Variants in KCNQ4 observed in about 807,000 individuals in gnomAD.
KCNQ4 encodes potassium voltage-gated channel subfamily KQT member 4.
In KCNQ4, 31 loss-of-function variants were observed where a neutral mutation model predicts 72.6. The ratio of observed to expected loss-of-function variants is 0.43; its 90% CI spans 0.32 to 0.58. The LOEUF (loss-of-function observed/expected upper bound fraction) is 0.58. Ranked by LOEUF, KCNQ4 falls within the 20% of genes least tolerant of loss-of-function variation. The pLI, the probability that KCNQ4 is intolerant of heterozygous loss-of-function variation, is 0.08. For missense variants in KCNQ4, 869 were observed against 962.6 expected, an observed-to-expected ratio of 0.90 and a Z score of 1.29; for synonymous variants, 405 against 403.7, an observed-to-expected ratio of 1.00 and a Z score of -0.04.
At chr1:40,836,075 C>T (rs1648798683) in intron 12 of KCNQ4, among the ~76,000 whole-genome samples, 1 of 151,962 alleles carries the variant, frequency 6.6e-6, no homozygotes, top group African/African-American at 2.4e-5. Flanking sequence ...AAAAGGATCA[C>T]CCTGGGTGCT....
At chr1:40,810,527 C>T (rs917942168) in intron 1 of KCNQ4, among the ~76,000 whole-genome samples, 2 of 152,154 alleles carry the variant, frequency 1.3e-5, no homozygotes, top group Admixed American at 6.5e-5. Flanking sequence ...GGTCAGGTGA[C>T]AACCTCTTTT....
intron 12 of KCNQ4, 89 bp downstream of exon 12, chr1:40,835,187 C>T (rs997106933): frequency 3.3e-6 from 5 of 1,505,880 alleles, no homozygotes; most frequent in Non-Finnish European, 3.6e-6. Context: ...CCGAGCACCC[C>T]CAAGGGCTCA....
rs752131356 is a variant in KCNQ4, at chr1:40,819,358, C to G, written c.720C>G (p.Thr240=). Residue 240 remains threonine (T), a synonymous_variant, in exon 5 of 14, where the codon ACC becomes ACG. Coordinates refer to ENST00000347132, the MANE Select transcript of KCNQ4 (RefSeq NM_004700.4). The part of the protein sequence containing the change: ...VVYAHSKELI[T]AWYIGFLVLI... ...CGCCTGCCCCGCAGGAGCTGATCAC[C>G]GCCTGGTACATCGGGTTCCTGGTGC... 2 of 1,613,832 alleles carry G rather than the reference C, an allele frequency of 1.2e-6. No individual in the cohort carries two copies. Among genetic ancestry groups the G allele is most frequent in the Middle Eastern group, 3.3e-4 (2 of 6,062 alleles).
intron 1 of KCNQ4, among the ~76,000 whole-genome samples, chr1:40,795,981 G>T (rs1647397917): frequency 6.6e-6 from 1 of 152,104 alleles, no homozygotes; most frequent in Non-Finnish European, 1.5e-5. Context: ...ATCCCCATTG[G>T]ATGGAAGATG....
At chr1:40,815,922 C>G (rs114817549) in intron 1 of KCNQ4, among the ~76,000 whole-genome samples, 1 of 152,214 alleles carries the variant, frequency 6.6e-6, no homozygotes, top group Non-Finnish European at 1.5e-5. Context: ...AAGGTCACCA[C>G]GAAACATGAA....
intron 9 of KCNQ4, among the ~76,000 whole-genome samples, chr1:40,830,675 C>T (rs1478930447): frequency 1.3e-5 from 2 of 152,106 alleles, no homozygotes; most frequent in Non-Finnish European, 2.9e-5. Flanking sequence ...GGTGAGCTTC[C>T]GACCCTCAGC....
In KCNQ4 at chr1:40,835,140, A is replaced by G. The variant is rs1278642467; in HGVS notation, c.1745+42A>G. ...TGTTGGGAGGCAGGGGCAGGGAGGC[A>G]GCGACCCCAGCCCTGAATGAAGTCT... is the stretch of plus-strand genomic sequence containing the variant. On this transcript the variant is annotated intron_variant, in intron 12 of 13. Transcript: ENST00000347132. 1.9e-6 allele frequency: 3 copies of G among 1,602,404 alleles called. No individual in the cohort carries two copies. The Admixed American group carries it at 5.0e-5, about 27-fold the overall frequency.
At chr1:40,837,625 G>A in intron 12 of KCNQ4, 40 bp from the exon 13 acceptor site, 2 of 1,599,040 alleles carry the variant, frequency 1.3e-6, no homozygotes, top group African/African-American at 1.3e-5. Flanking sequence ...AGGGAGGGAC[G>A]GCGTGTCCCC....
At position 40,832,927 on chromosome 1, in the gene KCNQ4, C is replaced by A. The variant is rs80215443; in HGVS notation, c.1514-87C>A. On this transcript the variant is annotated intron_variant, in intron 10 of 13. Transcript: ENST00000347132. The stretch of plus-strand genomic sequence containing the variant: ...GGCCTCTGTCTTCCTATTGGACACT[C>A]TACTGGTGGTTTGGCATACAAGGGT... 2,511 of 935,178 alleles carry A rather than the reference C, an allele frequency of 2.7e-3. 50 individuals carry two copies. The African/African-American group carries it at 0.034, about 13-fold the overall frequency. 57.9% of individuals were successfully genotyped at this position (935,178 alleles called of 1,614,324 possible).
chr1:40,828,896 G>C (rs1648558904), intron 9 of KCNQ4, among the ~76,000 whole-genome samples: 1 of 152,260 alleles, frequency 6.6e-6, no homozygotes, highest in Non-Finnish European at 1.5e-5. Context: ...AAGGAGCTCA[G>C]GGCCTCTGGC....
chr1:40,792,086 C>T (rs1647294563), intron 1 of KCNQ4, among the ~76,000 whole-genome samples: 1 of 152,060 alleles, frequency 6.6e-6, no homozygotes, highest in Admixed American at 6.5e-5. Flanking sequence ...GGCTTTTGGG[C>T]AGTGGTGGGA....
At chr1:40,809,031 C>T (rs1054590617) in intron 1 of KCNQ4, among the ~76,000 whole-genome samples, 1 of 152,118 alleles carries the variant, frequency 6.6e-6, no homozygotes, top group African/African-American at 2.4e-5. Context: ...GCCAAGGGAC[C>T]CAGTGACCAA....
chr1:40,818,432 C>T, intron 3 of KCNQ4, 73 bp from the exon 4 acceptor site: 1 of 1,276,806 alleles, frequency 7.8e-7, no homozygotes, highest in Non-Finnish European at 1.1e-6. Context: ...CCTGCCACAT[C>T]CCCAGAAGTC....
At chr1:40,818,909 C>T in intron 4 of KCNQ4, 1 of 619,204 alleles carries the variant, frequency 1.6e-6, no homozygotes, top group Non-Finnish European at 2.9e-6. Flanking sequence ...GGGGGCGGGG[C>T]CGGAGAGGCG....
Position 40,784,013 on chromosome 1 carries a change from G to A in KCNQ4, c.-81G>A, listed in dbSNP as rs1647179100. The A allele has an allele frequency of 6.8e-6, 1 of 147,950 alleles. No individual in the cohort carries two copies. Among genetic ancestry groups the A allele is most frequent in the African/African-American group, 2.5e-5 (1 of 40,498 alleles). The allele number at this position is 147,950 out of a possible 1,614,324, so 9.2% of individuals were successfully genotyped here. Reference sequence around the variant, plus strand: ...GTCGCCCCTCTGGCCCCGGGTCCGAGCCATGCGTCTCTGAGCGCCCCGAGC... The same window carrying A: ...GTCGCCCCTCTGGCCCCGGGTCCGAACCATGCGTCTCTGAGCGCCCCGAGC... On this transcript the variant is annotated 5_prime_UTR_variant, in exon 1 of 14. Coordinates refer to ENST00000347132, the MANE Select transcript of KCNQ4 (RefSeq NM_004700.4). The surrounding 1 kb of genome is among the most constrained non-coding windows in gnomAD (Gnocchi z 4.1).
At chr1:40,802,751 T>G (rs1338044586) in intron 1 of KCNQ4, among the ~76,000 whole-genome samples, 2 of 152,252 alleles carry the variant, frequency 1.3e-5, no homozygotes, top group Admixed American at 6.5e-5. Context: ...CCCTTGTCCC[T>G]ACGTGAACCC....
At chr1:40,801,867 T>G (rs1647584301) in intron 1 of KCNQ4, among the ~76,000 whole-genome samples, 1 of 152,140 alleles carries the variant, frequency 6.6e-6, no homozygotes, top group African/African-American at 2.4e-5. Context: ...TACTCACTCC[T>G]GACTTTGAGC....
At position 40,837,747 on chromosome 1, in the gene KCNQ4, G is replaced by A. The variant is rs777656364; in HGVS notation, c.1828G>A (p.Val610Met). The A allele has an allele frequency of 1.2e-5, 20 of 1,612,580 alleles. No homozygotes were observed. Among genetic ancestry groups the A allele is most frequent in the African/African-American group, 1.2e-4 (9 of 74,904 alleles). ...CAAGGGGCCCTCCGACGCGGAGGTG[G>A]TGGATGAAATCAGCATGATGGGACG... ...GDKGPSDAEV[V>M]DEISMMGRVV... Residue 610 changes from valine to methionine, a missense_variant, in exon 13 of 14, where the codon GTG becomes ATG. Val to Met is a conservative substitution (Grantham distance 21, BLOSUM62 1). Around this residue, in one of 5 missense-constraint regions of KCNQ4, gnomAD observed 480 missense variants for 501.9 expected, o/e 0.96. Transcript: ENST00000347132.
At chr1:40,827,210 C>G (rs911312594) in intron 9 of KCNQ4, among the ~76,000 whole-genome samples, 3 of 152,184 alleles carry the variant, frequency 2.0e-5, no homozygotes, top group African/African-American at 7.2e-5. Context: ...CCAGGACTTG[C>G]TCTGTGCACT....
Sources: allele counts gnomAD v4.1 joint callset (sites outside exome capture counted in the v4.1 genomes callset), GRCh38; gene constraint gnomAD v4.1.1; regional missense constraint gnomAD v4.1.1; non-coding constraint Gnocchi (gnomAD v3.1); transcripts MANE v1.5; gene names NCBI Gene and HGNC (gene_info 2026-07-23, HGNC 2026-07-21).